METTL25: variants seen among roughly 807,000 people sequenced by gnomAD.
The protein encoded by METTL25 is probable methyltransferase-like protein 25.
A neutral mutation model predicts 71.6 loss-of-function variants in METTL25; 64 were observed. The observed-to-expected ratio is 0.89, with a 90% CI of 0.73 to 1.10. The LOEUF (loss-of-function observed/expected upper bound fraction) is 1.10. Among genes scored for constraint, METTL25 ranks in the 50% least tolerant of loss-of-function variants. The pLI, the probability that METTL25 is intolerant of heterozygous loss-of-function variation, is 0.00. For synonymous variants in METTL25, 287 were observed against 250.3 expected (o/e 1.15, Z -1.38); for missense variants, 807 against 707.0 (o/e 1.14, Z -1.60).
chr12:82,386,924 A>G lies in METTL25; in HGVS notation c.381A>G (p.Glu127=). The part of the protein sequence containing the change: ...VQNLGICTPF[E]QLLVALRGNQ... ...ACTTGGGAATATGTACTCCTTTTGAACAGTTGCTTGTAGCCCTTCGAGGAA... is the reference window on the plus strand; with the variant it reads ...ACTTGGGAATATGTACTCCTTTTGAGCAGTTGCTTGTAGCCCTTCGAGGAA... Residue 127 remains glutamate (E), a synonymous_variant, in exon 2 of 12, where the codon GAA becomes GAG. Coordinates refer to ENST00000248306, the MANE Select transcript of METTL25 (RefSeq NM_032230.3). 2 of 1,613,388 alleles carry G rather than the reference A, an allele frequency of 1.2e-6. No homozygotes were observed. The highest frequency in any genetic ancestry group is 1.7e-6 in the Non-Finnish European group (2 of 1,179,570).
chr12:82,370,226 G>A (rs1283610802), intron 1 of METTL25, among the ~76,000 whole-genome samples: 1 of 152,176 alleles, frequency 6.6e-6, no homozygotes, highest in Non-Finnish European at 1.5e-5. Flanking sequence ...GGTAGAAGTT[G>A]TTTGTTGAGC....
At chr12:82,406,944 TCTTTGA>T (rs1331051687) in intron 5 of METTL25, among the ~76,000 whole-genome samples, 1 of 152,042 alleles carries the variant, frequency 6.6e-6, no homozygotes, top group Non-Finnish European at 1.5e-5. Context: ...TTTTTTTTTC[TCTTTGA>T]CTTCATAGTC....
At position 82,476,561 on chromosome 12, in the gene METTL25, GTTTA is replaced by G. The variant is rs558461881; in HGVS notation, c.1573-79_1573-76del. On this transcript the variant is annotated intron_variant, in intron 9 of 11. Coordinates refer to ENST00000248306, the MANE Select transcript of METTL25 (RefSeq NM_032230.3). Reference sequence around the variant, plus strand: ...TAAGGTTGTATTAAATTGATGTCATGTTTATTTTACTTTAGGATATGTTTGACAA... The same window carrying G: ...TAAGGTTGTATTAAATTGATGTCATGTTTTACTTTAGGATATGTTTGACAA... 51 of 884,364 alleles carry G rather than the reference GTTTA, an allele frequency of 5.8e-5. No homozygotes were observed. The Admixed American group carries it at 9.7e-4, about 17-fold the overall frequency. 54.8% of individuals were successfully genotyped at this position (884,364 alleles called of 1,614,324 possible). A position where few individuals can be genotyped will look rare whatever the true frequency, so the allele number is the denominator to read the frequency against.
chr12:82,477,588 A>G (rs1285929884), intron 11 of METTL25, among the ~76,000 whole-genome samples: 2 of 151,812 alleles, frequency 1.3e-5, no homozygotes, highest in Admixed American at 6.6e-5. Flanking sequence ...TTGTATGGTA[A>G]TTACTATACA....
rs570768534 is a variant in METTL25 at position 82,470,844 on chromosome 12, A to G, written c.1573-5800A>G. ...TTCAGTTACCAGTATAATTGTTGAGAAGTATAGATTTGCGAGGGCTAGGTT... is the reference window on the plus strand; with the variant it reads ...TTCAGTTACCAGTATAATTGTTGAGGAGTATAGATTTGCGAGGGCTAGGTT... On this transcript the variant is annotated intron_variant, in intron 9 of 11. Transcript: ENST00000248306. Among the ~76,000 whole-genome samples, 254 of 152,292 alleles carry G rather than the reference A, an allele frequency of 1.7e-3. 2 individuals carry two copies. The highest frequency in any genetic ancestry group is 0.013 in the South Asian group (62 of 4,826).
chr12:82,434,685 T>C lies in METTL25; in HGVS notation c.1375-10T>C. The C allele has an allele frequency of 6.2e-7, 1 of 1,608,858 alleles. No individual in the cohort carries two copies. The highest frequency in any genetic ancestry group is 8.5e-7 in the Non-Finnish European group (1 of 1,176,346). The stretch of plus-strand genomic sequence containing the variant: ...ATATCAACAATCTGTCTTGTTTTTT[T>C]CCCTTTAAGGCATTGGAGCGGGTTG... On this transcript the variant is annotated splice_polypyrimidine_tract_variant and intron_variant, in intron 6 of 11. Coordinates refer to ENST00000248306, the MANE Select transcript of METTL25 (RefSeq NM_032230.3).
Position 82,456,733 on chromosome 12 carries a change from G to T in METTL25, c.1485G>T (p.Arg495=). The T allele has an allele frequency of 6.3e-7, 1 of 1,585,172 alleles. No individual in the cohort carries two copies. Among genetic ancestry groups the T allele is most frequent in the Non-Finnish European group, 8.6e-7 (1 of 1,164,690 alleles). Residue 495 remains arginine, a synonymous_variant, in exon 9 of 12, where the codon CGG becomes CGT. Transcript: ENST00000248306. The part of the protein sequence containing the change: ...KDCYGITKCD[R]HVGKIYSKCS... ...ATTCAATTTTGTTTTACAGTGATCG[G>T]CATGTTGGTAAAATTTATTCCAAAT...
In METTL25 at chr12:82,417,277, G is replaced by A. The variant is rs146005740; in HGVS notation, c.1280-13616G>A. ...CTAAATTTTACTTTATTGTTTCAAA[G>A]CATTATAAAAGTGATGTAGATGCAT... On this transcript the variant is annotated intron_variant, in intron 5 of 11. Transcript: ENST00000248306. Among the ~76,000 whole-genome samples the A allele has an allele frequency of 7.2e-5, 11 of 152,116 alleles. No individual in the cohort carries two copies. In the East Asian group the frequency reaches 2.1e-3, roughly 29 times the overall value.
intron 9 of METTL25, among the ~76,000 whole-genome samples, chr12:82,463,492 C>T (rs1016635137): frequency 6.6e-6 from 1 of 152,004 alleles, no homozygotes; most frequent in African/African-American, 2.4e-5. Context: ...TGTTGATGGA[C>T]ACCAAGGTTG....
At chr12:82,383,814 A>T (rs927851663) in intron 1 of METTL25, among the ~76,000 whole-genome samples, 5 of 152,078 alleles carry the variant, frequency 3.3e-5, no homozygotes, top group Admixed American at 1.3e-4. Context: ...TATATATATG[A>T]CTCTTCTATC....
intron 8 of METTL25, among the ~76,000 whole-genome samples, chr12:82,454,258 G>C (rs1261652054): frequency 6.6e-6 from 1 of 152,036 alleles, no homozygotes; most frequent in Non-Finnish European, 1.5e-5. Context: ...GCCAGAAAAG[G>C]CTTAACTAAG....
chr12:82,460,869 C>T (rs543437793), intron 9 of METTL25, among the ~76,000 whole-genome samples: 7 of 152,186 alleles, frequency 4.6e-5, no homozygotes, highest in Admixed American at 6.5e-5. Flanking sequence ...GTAGGCCGGG[C>T]GCGGTAGCTC....
Position 82,423,514 on chromosome 12 carries a change from A to G in METTL25, c.1280-7379A>G, listed in dbSNP as rs530691594. ...CTTTATGACTAAAACACCAAAAGCAATGGCAACAAAAGCCAAAATTGACAA... is the reference window on the plus strand; with the variant it reads ...CTTTATGACTAAAACACCAAAAGCAGTGGCAACAAAAGCCAAAATTGACAA... On this transcript the variant is annotated intron_variant, in intron 5 of 11. Transcript: ENST00000248306. 4.6e-5 allele frequency among the ~76,000 whole-genome samples: 7 copies of G among 152,328 alleles called. No individual in the cohort carries two copies. In the East Asian group the frequency reaches 1.4e-3, roughly 29 times the overall value.
intron 1 of METTL25, among the ~76,000 whole-genome samples, chr12:82,365,322 T>G (rs926800175): frequency 6.6e-6 from 1 of 152,208 alleles, no homozygotes; most frequent in Non-Finnish European, 1.5e-5. Flanking sequence ...AGTACTTTAT[T>G]TAGTACATTA....
At position 82,451,391 on chromosome 12, in the gene METTL25, G is replaced by A. The variant is rs1156411021; in HGVS notation, c.1479-5336G>A. 6 of 325,440 alleles carry A rather than the reference G, an allele frequency of 1.8e-5. No homozygotes were observed. In the East Asian group the frequency reaches 6.8e-4, roughly 37 times the overall value. 20.2% of individuals were successfully genotyped at this position (325,440 alleles called of 1,614,324 possible). ...CCCACTGCATCATATCACTGTGGTC[G>A]TGGTCATATTATTTTATATCTTTTT... On this transcript the variant is annotated intron_variant, in intron 8 of 11. Coordinates refer to ENST00000248306, the MANE Select transcript of METTL25 (RefSeq NM_032230.3).
chr12:82,408,065 A>C (rs1887239635), intron 5 of METTL25: 3 of 432,250 alleles, frequency 6.9e-6, no homozygotes, highest in Non-Finnish European at 6.2e-6. Flanking sequence ...TTACCTTCTG[A>C]ATAATAATCT....
intron 1 of METTL25, among the ~76,000 whole-genome samples, chr12:82,361,280 G>A (rs544867287): frequency 2.0e-5 from 3 of 152,292 alleles, no homozygotes; most frequent in East Asian, 3.9e-4. Flanking sequence ...GCTGATTGGT[G>A]TATTTACAAT....
intron 1 of METTL25, among the ~76,000 whole-genome samples, chr12:82,384,567 A>T (rs10778905): frequency 6.6e-6 from 1 of 151,926 alleles, no homozygotes; most frequent in South Asian, 2.1e-4. Context: ...CTAGGGTTAG[A>T]CCAAAATACC....
At chr12:82,377,088 G>C (rs2136895426) in intron 1 of METTL25, among the ~76,000 whole-genome samples, 2 of 152,022 alleles carry the variant, frequency 1.3e-5, no homozygotes, top group Middle Eastern at 6.8e-3. Flanking sequence ...ACTGCAGCCT[G>C]GGTGACAAGA....
Sources: allele counts gnomAD v4.1 joint callset (sites outside exome capture counted in the v4.1 genomes callset), GRCh38; gene constraint gnomAD v4.1.1; transcripts MANE v1.5; gene names NCBI Gene and HGNC (gene_info 2026-07-23, HGNC 2026-07-21).